Variants in SNTB2 observed in about 807,000 individuals in gnomAD.
SNTB2 encodes the protein syntrophin beta 2, also known as beta-2-syntrophin.
Under a neutral mutation model 46.2 loss-of-function variants are expected in SNTB2, and 34 were observed. The observed-to-expected ratio is 0.74, with a 90% confidence interval of 0.56 to 0.98. SNTB2 has a LOEUF of 0.98. SNTB2 is among the 50% of genes least tolerant of loss of function. SNTB2 has a pLI of 0.00. For missense variants in SNTB2, 603 were observed against 731.4 expected, an observed-to-expected ratio of 0.82 and a Z score of 2.02; for synonymous variants, 290 against 312.6, an observed-to-expected ratio of 0.93 and a Z score of 0.76.
intron 3 of SNTB2, among the ~76,000 whole-genome samples, chr16:69,264,281 T>C (rs1160439751): frequency 2.0e-5 from 3 of 152,202 alleles, no homozygotes; most frequent in Non-Finnish European, 2.9e-5. Context: ...TCTGGTCTCC[T>C]GGGTCTGCCC....
chr16:69,271,826 A>G (rs1854679931), intron 4 of SNTB2, among the ~76,000 whole-genome samples: 1 of 152,224 alleles, frequency 6.6e-6, no homozygotes, highest in Admixed American at 6.5e-5. Context: ...TCCGTAGAAG[A>G]GCTTTTGTTT....
rs949356428 is a variant in SNTB2, at chr16:69,302,918, C to G, written c.*1994C>G. The G allele has an allele frequency of 6.6e-6, 1 of 151,802 alleles. No homozygotes were observed. Among genetic ancestry groups the G allele is most frequent in the African/African-American group, 2.4e-5 (1 of 41,272 alleles). 9.4% of individuals were successfully genotyped at this position (151,802 alleles called of 1,614,324 possible). A position where few individuals can be genotyped will look rare whatever the true frequency, so the allele number is the denominator to read the frequency against. On this transcript the variant is annotated 3_prime_UTR_variant, in exon 7 of 7. Transcript: ENST00000336278. ...TTTTTGAGACGGAGTCTCGTTCTGT[C>G]TCCCAGGCTGGAGTGCAGTGGCATG...
At chr16:69,288,806 C>A (rs986665643) in intron 5 of SNTB2, among the ~76,000 whole-genome samples, 2 of 151,880 alleles carry the variant, frequency 1.3e-5, no homozygotes, top group African/African-American at 4.8e-5. Flanking sequence ...CATCAGCAGA[C>A]AAATGGATTA....
In SNTB2 at chr16:69,306,362, T is replaced by C. The variant is rs1567419680; in HGVS notation, c.*5438T>C. 1 of 152,234 alleles carries C rather than the reference T, an allele frequency of 6.6e-6. No homozygotes were observed. Among genetic ancestry groups the C allele is most frequent in the Non-Finnish European group, 1.5e-5 (1 of 68,038 alleles). 9.4% of individuals were successfully genotyped at this position (152,234 alleles called of 1,614,324 possible). On this transcript the variant is annotated 3_prime_UTR_variant, in exon 7 of 7. Transcript: ENST00000336278. ...CTTTTGTTTCAAAACAAACTTGAGC[T>C]TCATTTCTTGCCACCTCTATTCTTT...
rs1185185153 is a variant in SNTB2, at chr16:69,292,435, T to TTA, written c.1346-7144_1346-7143dup. ...TATATATATTATATATATATATATA[T>TTA]TATATATATATAATTTTTTTTTTGA... On this transcript the variant is annotated intron_variant, in intron 5 of 6. Transcript: ENST00000336278. Among the ~76,000 whole-genome samples the TTA allele has an allele frequency of 1.0e-3, 11 of 10,500 alleles. 4 individuals are homozygous for TTA. Among genetic ancestry groups the TTA allele is most frequent in the African/African-American group, 4.4e-3 (10 of 2,284 alleles). 6.9% of individuals were successfully genotyped at this position (10,500 alleles called of 152,430 possible). A position where few individuals can be genotyped will look rare whatever the true frequency, so the allele number is the denominator to read the frequency against.
intron 2 of SNTB2, among the ~76,000 whole-genome samples, chr16:69,252,388 G>GAGAGA (rs1325193244): frequency 6.6e-6 from 1 of 152,102 alleles, no homozygotes; most frequent in African/African-American, 2.4e-5. Context: ...GAAGTCCAAG[G>GAGAGA]AGAGAACATG....
intron 1 of SNTB2, among the ~76,000 whole-genome samples, chr16:69,225,200 A>G (rs2152294164): frequency 6.6e-6 from 1 of 152,340 alleles, no homozygotes; most frequent in Admixed American, 6.5e-5. Context: ...GGAAACTTGG[A>G]GGACTTTCTT....
At chr16:69,297,770 C>T (rs1307602012) in intron 5 of SNTB2, among the ~76,000 whole-genome samples, 1 of 151,706 alleles carries the variant, frequency 6.6e-6, no homozygotes, top group East Asian at 1.9e-4. Flanking sequence ...AAAAATTAGC[C>T]GGGCGTGGTG....
intron 1 of SNTB2, among the ~76,000 whole-genome samples, chr16:69,243,020 T>TAAAA (rs371176390): frequency 5.2e-5 from 5 of 96,088 alleles, no homozygotes; most frequent in African/African-American, 7.7e-5. Context: ...GACTGCATCT[T>TAAAA]AAAAAAAAAA....
chr16:69,291,370 T>C (rs1393937711), intron 5 of SNTB2, among the ~76,000 whole-genome samples: 1 of 152,180 alleles, frequency 6.6e-6, no homozygotes, highest in Non-Finnish European at 1.5e-5. Context: ...CATTAGGTTC[T>C]TTATCCCTCA....
At position 69,307,213 on chromosome 16, in the gene SNTB2, TTAAG is replaced by T. The variant is rs1306748893; in HGVS notation, c.*6293_*6296del. On this transcript the variant is annotated 3_prime_UTR_variant, in exon 7 of 7. Transcript: ENST00000336278. ...ATGCCATCTGTTTATCATTCAGCAGTTAAGTAATTCATCACTTCATATTTTTACC... is the reference window on the plus strand; with the variant it reads ...ATGCCATCTGTTTATCATTCAGCAGTTAATTCATCACTTCATATTTTTACC... 6.6e-6 allele frequency: 1 copy of T among 152,248 alleles called. No individual in the cohort carries two copies. Among genetic ancestry groups the T allele is most frequent in the African/African-American group, 2.4e-5 (1 of 41,468 alleles). 9.4% of individuals were successfully genotyped at this position (152,248 alleles called of 1,614,324 possible).
At chr16:69,208,839 CAAAA>C (rs71148972) in intron 1 of SNTB2, among the ~76,000 whole-genome samples, 2 of 139,810 alleles carry the variant, frequency 1.4e-5, no homozygotes, top group African/African-American at 5.2e-5. Context: ...ACTAAAAATA[CAAAA>C]AAAAAAAAAT....
At chr16:69,217,925 G>A (rs1215173371) in intron 1 of SNTB2, among the ~76,000 whole-genome samples, 1 of 152,118 alleles carries the variant, frequency 6.6e-6, no homozygotes, top group Non-Finnish European at 1.5e-5. Context: ...AATTATTACT[G>A]AGGTCTCCTG....
chr16:69,269,650 G>A (rs1439170449), intron 3 of SNTB2, among the ~76,000 whole-genome samples: 1 of 152,130 alleles, frequency 6.6e-6, no homozygotes, highest in Non-Finnish European at 1.5e-5. Context: ...TGTAAGTCTT[G>A]ATCAAAAACT....
intron 1 of SNTB2, among the ~76,000 whole-genome samples, chr16:69,202,981 A>G (rs945205167): frequency 6.6e-6 from 1 of 151,856 alleles, no homozygotes; most frequent in Non-Finnish European, 1.5e-5. Context: ...TAGCCTCCCA[A>G]AGTTCTAGGA....
At chr16:69,281,630 C>CA (rs1283543428) in intron 4 of SNTB2, among the ~76,000 whole-genome samples, 1 of 151,652 alleles carries the variant, frequency 6.6e-6, no homozygotes, top group Non-Finnish European at 1.5e-5. Context: ...GCAGGCAGAT[C>CA]ACCTGAGGTC....
rs147168391 is a variant in SNTB2, at chr16:69,228,458, A to T, written c.581-17144A>T. Among the ~76,000 whole-genome samples, 1,068 of 145,274 alleles carry T rather than the reference A, an allele frequency of 7.4e-3. 8 individuals are homozygous for T. The highest frequency in any genetic ancestry group is 0.022 in the South Asian group (96 of 4,428). On this transcript the variant is annotated intron_variant, in intron 1 of 6. Transcript: ENST00000336278. ...GAGGCAGAGGTTGCAGGGAGCTGAG[A>T]TTATGCCACTGCACTCCAACCTGGG...
At chr16:69,293,900 G>A (rs1965198267) in intron 5 of SNTB2, among the ~76,000 whole-genome samples, 1 of 152,198 alleles carries the variant, frequency 6.6e-6, no homozygotes. Context: ...TGTTGAAGTG[G>A]GCAGTGCCTT....
rs1965312177 is a variant in SNTB2 at position 69,305,907 on chromosome 16, G to A, written c.*4983G>A. 6.6e-6 allele frequency: 1 copy of A among 151,914 alleles called. No individual in the cohort carries two copies. The highest frequency in any genetic ancestry group is 1.5e-5 in the Non-Finnish European group (1 of 67,996). 9.4% of individuals were successfully genotyped at this position (151,914 alleles called of 1,614,324 possible). A position where few individuals can be genotyped will look rare whatever the true frequency, so the allele number is the denominator to read the frequency against. ...CTTTAAAAACCAATTGTAGCAATCT[G>A]CCCGCCTCCACCCTTTAAGCTAAAT... On this transcript the variant is annotated 3_prime_UTR_variant, in exon 7 of 7. Coordinates refer to ENST00000336278, the MANE Select transcript of SNTB2 (RefSeq NM_006750.4).
Sources: gnomAD v4.1 joint callset for allele counts (sites outside exome capture counted in the v4.1 genomes callset) on GRCh38, gnomAD v4.1.1 for gene constraint, MANE v1.5 for transcripts, NCBI Gene and HGNC (gene_info 2026-07-23, HGNC 2026-07-21) for gene names.